LRP1B: variants seen among roughly 807,000 people sequenced by gnomAD.
LRP1B encodes low-density lipoprotein receptor-related protein 1B.
Under a neutral mutation model 556.6 loss-of-function variants are expected in LRP1B, and 217 were observed. The observed-to-expected ratio is 0.39, with a 90% CI of 0.35 to 0.44. The LOEUF is 0.44. LRP1B is among the 20% of genes least tolerant of loss of function. LRP1B has a pLI of 1.00. For missense variants in LRP1B, 5,053 were observed against 5,620.8 expected, an observed-to-expected ratio of 0.90 and a Z score of 3.23; for synonymous variants, 2,047 against 1,865.8, an observed-to-expected ratio of 1.10 and a Z score of -2.50.
chr2:140,759,535 T>C (rs541924056), intron 35 of LRP1B, among the ~76,000 whole-genome samples: 4 of 152,356 alleles, frequency 2.6e-5, no homozygotes, highest in African/African-American at 9.6e-5. Context: ...ATAAATTCAC[T>C]GACACATTGA....
At chr2:141,401,147 A>G (rs760775273) in intron 3 of LRP1B, among the ~76,000 whole-genome samples, 1 of 152,174 alleles carries the variant, frequency 6.6e-6, no homozygotes, top group Non-Finnish European at 1.5e-5. Flanking sequence ...CCTTACTGAC[A>G]TTAAAATACT....
At chr2:142,007,002 T>C (rs1002324429) in intron 1 of LRP1B, among the ~76,000 whole-genome samples, 22 of 152,296 alleles carry the variant, frequency 1.4e-4, no homozygotes, top group Non-Finnish European at 2.6e-4. Flanking sequence ...AATTAGCTTG[T>C]CCTTGTCAAA....
chr2:141,966,634 A>G (rs111410738), intron 1 of LRP1B, among the ~76,000 whole-genome samples: 5,564 of 151,428 alleles, frequency 0.037, 322 homozygotes, highest in African/African-American at 0.13. Context: ...TTGTCTCTTC[A>G]TGATCCAGGA....
At chr2:142,065,121 T>C (rs867150447) in intron 1 of LRP1B, among the ~76,000 whole-genome samples, 87 of 151,706 alleles carry the variant, frequency 5.7e-4, no homozygotes, top group African/African-American at 2.0e-3. Flanking sequence ...ACTTTCATTA[T>C]ATAACTATCC....
chr2:141,130,659 A>C (rs915049228), intron 7 of LRP1B, among the ~76,000 whole-genome samples: 1 of 152,132 alleles, frequency 6.6e-6, no homozygotes, highest in Non-Finnish European at 1.5e-5. Context: ...ATAATAGAAA[A>C]AGAAAAGATA....
intron 48 of LRP1B, 109 bp from the exon 49 acceptor site, chr2:140,526,102 T>TA (rs1393964230): frequency 1.5e-6 from 2 of 1,345,052 alleles, no homozygotes; most frequent in Admixed American, 2.0e-5. Flanking sequence ...AGGAAATAGA[T>TA]ACGTAATTAT....
chr2:141,263,796 TG>T (rs1457730021), intron 3 of LRP1B, among the ~76,000 whole-genome samples: 1 of 152,170 alleles, frequency 6.6e-6, no homozygotes, highest in Non-Finnish European at 1.5e-5. Flanking sequence ...AAGGATAATA[TG>T]TCATGGTGAT....
At chr2:140,991,424 C>T (rs1236444423) in intron 16 of LRP1B, among the ~76,000 whole-genome samples, 1 of 152,008 alleles carries the variant, frequency 6.6e-6, no homozygotes, top group Non-Finnish European at 1.5e-5. Context: ...CATGAGATCT[C>T]AGAAATAAAA....
At chr2:140,252,437 A>G (rs1353511387) in intron 86 of LRP1B, among the ~76,000 whole-genome samples, 1 of 152,038 alleles carries the variant, frequency 6.6e-6, no homozygotes, top group Non-Finnish European at 1.5e-5. Context: ...TAGGCATTAT[A>G]CACTGTATAA....
intron 35 of LRP1B, 40 bp downstream of exon 35, chr2:140,769,173 G>C (rs1284285023): frequency 1.3e-6 from 2 of 1,565,776 alleles, no homozygotes; most frequent in African/African-American, 2.7e-5. Flanking sequence ...TAAATCAAGT[G>C]AATATATTAT....
At position 141,885,677 on chromosome 2, in the gene LRP1B, G is replaced by A. The variant is rs192857044; in HGVS notation, c.83-75276C>T. On this transcript the variant is annotated intron_variant, in intron 1 of 90. Coordinates refer to ENST00000389484, the MANE Select transcript of LRP1B (RefSeq NM_018557.3). ...GTCTGCAACCAAGTGAACACATATA[G>A]GTACAGTGAGTGACTTTCAATTTGA... 1.8e-3 allele frequency among the ~76,000 whole-genome samples: 269 copies of A among 152,268 alleles called. 1 individual carries two copies. In the Middle Eastern group the frequency reaches 0.031, roughly 17 times the overall value.
At chr2:140,937,207 G>C (rs1695255344) in intron 20 of LRP1B, among the ~76,000 whole-genome samples, 1 of 151,940 alleles carries the variant, frequency 6.6e-6, no homozygotes, top group African/African-American at 2.4e-5. Context: ...AGTACTAAAG[G>C]GCACATAGGA....
At chr2:140,287,272 TC>T (rs1683187412) in intron 84 of LRP1B, among the ~76,000 whole-genome samples, 1 of 151,782 alleles carries the variant, frequency 6.6e-6, no homozygotes, top group Non-Finnish European at 1.5e-5. Context: ...AAAATCAGAA[TC>T]CTACACTACT....
At chr2:142,042,162 TGTCTGCG>T (rs111517833) in intron 1 of LRP1B, among the ~76,000 whole-genome samples, 57 of 151,568 alleles carry the variant, frequency 3.8e-4, no homozygotes, top group African/African-American at 1.3e-3. Context: ...TGAATGCTAC[TGTCTGCG>T]GTACATTATA....
At chr2:141,011,940 C>T (rs1295417101) in intron 14 of LRP1B, among the ~76,000 whole-genome samples, 2 of 151,888 alleles carry the variant, frequency 1.3e-5, no homozygotes, top group African/African-American at 4.8e-5. Flanking sequence ...CAAATACCTC[C>T]TATTAGAGAA....
chr2:140,996,721 C>A (rs562537824), intron 15 of LRP1B, among the ~76,000 whole-genome samples: 1 of 152,076 alleles, frequency 6.6e-6, no homozygotes, highest in South Asian at 2.1e-4. Flanking sequence ...GCAGCTAATT[C>A]TCTTCTTTGA....
chr2:141,927,903 C>CAAAAAAAAAAAAA (rs5834879), intron 1 of LRP1B, among the ~76,000 whole-genome samples: 5 of 110,890 alleles, frequency 4.5e-5, no homozygotes, highest in African/African-American at 1.0e-4. Flanking sequence ...CTTGGCTTTA[C>CAAAAAAAAAAAAA]AAAAAAAAAA....
intron 1 of LRP1B, among the ~76,000 whole-genome samples, chr2:142,060,482 T>C (rs1159148512): frequency 1.3e-5 from 2 of 152,056 alleles, no homozygotes; most frequent in Non-Finnish European, 2.9e-5. Flanking sequence ...AGTTTGAAAA[T>C]CCATAAGAGG....
At chr2:142,108,974 C>T (rs922318865) in intron 1 of LRP1B, among the ~76,000 whole-genome samples, 3 of 152,116 alleles carry the variant, frequency 2.0e-5, no homozygotes, top group Admixed American at 1.3e-4. Context: ...GTATATTTTG[C>T]CCAACTGACG....
Sources: allele counts gnomAD v4.1 joint callset (sites outside exome capture counted in the v4.1 genomes callset), GRCh38; gene constraint gnomAD v4.1.1; transcripts MANE v1.5; gene names NCBI Gene and HGNC (gene_info 2026-07-23, HGNC 2026-07-21).